Variants in ATP6V1E2 observed in about 807,000 individuals in gnomAD.
ATP6V1E2 encodes the protein V-type proton ATPase subunit E 2.
For missense variants in ATP6V1E2, 308 were observed against 273.3 expected (o/e 1.13, Z -0.90); for synonymous variants, 121 against 104.2 (o/e 1.16, Z -0.98).
chr2:46,518,758 T>TTGTG (rs70940621), intron 4 of ATP6V1E2, among the ~76,000 whole-genome samples: 13,045 of 139,342 alleles, frequency 0.094, 688 homozygotes, highest in Non-Finnish European at 0.12. Flanking sequence ...CAAGTCAATT[T>TTGTG]TGTGTGTGTG....
At chr2:46,540,733 A>G (rs1667710432) in intron 2 of ATP6V1E2, among the ~76,000 whole-genome samples, 1 of 148,338 alleles carries the variant, frequency 6.7e-6, no homozygotes, top group African/African-American at 2.5e-5. Context: ...ATGGGCTGAC[A>G]GGGGGGCATT....
chr2:46,522,249 A>C, intron 4 of ATP6V1E2, among the ~76,000 whole-genome samples: 1 of 148,028 alleles, frequency 6.8e-6, no homozygotes, highest in African/African-American at 2.5e-5. Context: ...GTGCCATTGC[A>C]CTCCAGCCTG....
intron 4 of ATP6V1E2, among the ~76,000 whole-genome samples, chr2:46,532,181 T>A (rs573423903): frequency 6.6e-6 from 1 of 152,312 alleles, no homozygotes; most frequent in Non-Finnish European, 1.5e-5. Context: ...TTTGAGTAAA[T>A]GTCTGTATAT....
At chr2:46,526,303 T>A (rs1336983801) in intron 4 of ATP6V1E2, among the ~76,000 whole-genome samples, 1 of 152,062 alleles carries the variant, frequency 6.6e-6, no homozygotes, top group Non-Finnish European at 1.5e-5. Context: ...GTAGTAGAGA[T>A]GGGTTTTCAC....
At chr2:46,537,561 T>G (rs761347082) in intron 2 of ATP6V1E2, 2 of 149,616 alleles carry the variant, frequency 1.3e-5, no homozygotes, top group African/African-American at 4.9e-5. Context: ...AGTTGACTCA[T>G]AGAGAAGAAG....
intron 4 of ATP6V1E2, chr2:46,519,982 C>T (rs1666529082): frequency 6.6e-6 from 1 of 152,232 alleles, no homozygotes; most frequent in Non-Finnish European, 1.5e-5. Flanking sequence ...TACCTTTGCC[C>T]ACAGTCTCAG....
At chr2:46,524,354 C>A (rs1192031606) in intron 4 of ATP6V1E2, among the ~76,000 whole-genome samples, 1 of 152,080 alleles carries the variant, frequency 6.6e-6, no homozygotes, top group African/African-American at 2.4e-5. Context: ...TCGGAAAACT[C>A]AGACAAGAAA....
chr2:46,523,991 C>T (rs1458810075), intron 4 of ATP6V1E2, among the ~76,000 whole-genome samples: 5 of 152,176 alleles, frequency 3.3e-5, no homozygotes, highest in Middle Eastern at 3.4e-3. Flanking sequence ...CTCTTTGTAG[C>T]GATTGTGAAT....
At chr2:46,526,493 T>C (rs1404850258) in intron 4 of ATP6V1E2, among the ~76,000 whole-genome samples, 1 of 152,214 alleles carries the variant, frequency 6.6e-6, no homozygotes, top group African/African-American at 2.4e-5. Flanking sequence ...CAGAACTTTT[T>C]CGTCTTCCCA....
At chr2:46,541,635 C>T (rs1667778825) in intron 1 of ATP6V1E2, 182 bp from the exon 2 acceptor site, 1 of 152,288 alleles carries the variant, frequency 6.6e-6, no homozygotes, top group African/African-American at 2.4e-5. Flanking sequence ...CTCAATGCTG[C>T]ATTTTTCTAA....
At chr2:46,529,996 T>C (rs1572713338) in intron 4 of ATP6V1E2, among the ~76,000 whole-genome samples, 1 of 152,000 alleles carries the variant, frequency 6.6e-6, no homozygotes, top group East Asian at 1.9e-4. Context: ...AGAAAGAAAT[T>C]ATTTCAGTAT....
At chr2:46,525,466 AAAAAAAAAAAG>A (rs1446364649) in intron 4 of ATP6V1E2, among the ~76,000 whole-genome samples, 6 of 129,696 alleles carry the variant, frequency 4.6e-5, no homozygotes, top group African/African-American at 6.1e-5. Flanking sequence ...CGTCTCAAAA[AAAAAAAAAAAG>A]AAAAAAAAAA....
At chr2:46,529,015 G>A (rs1667058848) in intron 4 of ATP6V1E2, among the ~76,000 whole-genome samples, 1 of 152,108 alleles carries the variant, frequency 6.6e-6, no homozygotes, top group Admixed American at 6.6e-5. Flanking sequence ...AGAGCCCCAG[G>A]CAGCCTCCAG....
chr2:46,539,768 G>A (rs994544531), intron 2 of ATP6V1E2, among the ~76,000 whole-genome samples: 6 of 152,168 alleles, frequency 3.9e-5, no homozygotes, highest in African/African-American at 1.4e-4. Flanking sequence ...CCTTTCCCAG[G>A]CATTCTTACC....
chr2:46,527,613 C>T (rs1666988248), intron 4 of ATP6V1E2, among the ~76,000 whole-genome samples: 1 of 151,932 alleles, frequency 6.6e-6, no homozygotes, highest in Non-Finnish European at 1.5e-5. Flanking sequence ...GTGATCCTCC[C>T]CTTCAGCCTC....
At chr2:46,536,857 C>T (rs755187119) in intron 2 of ATP6V1E2, among the ~76,000 whole-genome samples, 154 bp from the exon 3 acceptor site, 1 of 151,858 alleles carries the variant, frequency 6.6e-6, no homozygotes, top group Non-Finnish European at 1.5e-5. Flanking sequence ...CATCTCAGCT[C>T]ATTGCAACCT....
Position 46,511,925 on chromosome 2 carries a change from C to T in ATP6V1E2, c.*106G>A, listed in dbSNP as rs1308792573. 7 of 998,924 alleles carry T rather than the reference C, an allele frequency of 7.0e-6. No homozygotes were observed. The East Asian group carries it at 1.8e-4, about 26-fold the overall frequency. The allele number at this position is 998,924 out of a possible 1,614,324, so 61.9% of individuals were successfully genotyped here. A position where few individuals can be genotyped will look rare whatever the true frequency, so the allele number is the denominator to read the frequency against. On this transcript the variant is annotated 3_prime_UTR_variant, in exon 5 of 5. Transcript: ENST00000522587. ...GGGTATTTCGTGAAGAAAAACAGAA[C>T]AGTATCAGAGCATCAAAGAGGAGGA...
chr2:46,522,744 G>C (rs998532549), intron 4 of ATP6V1E2, among the ~76,000 whole-genome samples: 1 of 152,116 alleles, frequency 6.6e-6, no homozygotes, highest in Non-Finnish European at 1.5e-5. Flanking sequence ...ATAATCTTTT[G>C]GGTATATACC....
At chr2:46,517,253 A>T (rs776102568) in intron 4 of ATP6V1E2, among the ~76,000 whole-genome samples, 28 of 152,236 alleles carry the variant, frequency 1.8e-4, no homozygotes, top group Non-Finnish European at 3.1e-4. Flanking sequence ...CTCTTCAATA[A>T]ATGGTGTTGG....
Sources: allele counts gnomAD v4.1 joint callset (sites outside exome capture counted in the v4.1 genomes callset), GRCh38; gene constraint gnomAD v4.1.1; transcripts MANE v1.5; gene names NCBI Gene and HGNC (gene_info 2026-07-23, HGNC 2026-07-21).